Variants in CDH18 observed in about 807,000 individuals in gnomAD.
The protein encoded by CDH18 is cadherin-18.
In CDH18, 31 loss-of-function variants were observed where a neutral mutation model predicts 67.9. That is an observed-to-expected ratio of 0.46 (90% CI 0.34 to 0.62). The LOEUF is 0.62. CDH18 is among the 20% of genes least tolerant of loss of function. The pLI, the probability that CDH18 is intolerant of heterozygous loss-of-function variation, is 0.01. For missense variants in CDH18, 890 were observed against 975.5 expected (o/e 0.91, Z 1.17); for synonymous variants, 362 against 347.2 (o/e 1.04, Z -0.48).
intron 2 of CDH18, among the ~76,000 whole-genome samples, chr5:20,164,651 A>C (rs1736149593): frequency 6.6e-6 from 1 of 152,158 alleles, no homozygotes; most frequent in South Asian, 2.1e-4. Flanking sequence ...CCAGACAAAA[A>C]CAAACTAGTT....
chr5:20,504,743 A>T (rs1754550491), intron 1 of CDH18, among the ~76,000 whole-genome samples: 1 of 151,132 alleles, frequency 6.6e-6, no homozygotes, highest in Non-Finnish European at 1.5e-5. Flanking sequence ...AGGTAGAAAA[A>T]GTGAACACAA....
intron 5 of CDH18, among the ~76,000 whole-genome samples, chr5:19,694,026 T>C (rs573585343): frequency 6.6e-6 from 1 of 152,268 alleles, no homozygotes; most frequent in Admixed American, 6.5e-5. Flanking sequence ...TATCATCTAC[T>C]TACCTCTTTT....
At chr5:19,481,741 T>G (rs973643120) in intron 12 of CDH18, among the ~76,000 whole-genome samples, 1 of 152,202 alleles carries the variant, frequency 6.6e-6, no homozygotes, top group African/African-American at 2.4e-5. Context: ...TTATTTGTCT[T>G]CAACCCCAGG....
At chr5:20,358,916 T>C (rs530819961) in intron 1 of CDH18, among the ~76,000 whole-genome samples, 2 of 150,376 alleles carry the variant, frequency 1.3e-5, no homozygotes, top group African/African-American at 4.9e-5. Flanking sequence ...GAGTGATGCA[T>C]TGGCCTTTTT....
At chr5:19,572,358 G>C (rs1741580503) in intron 7 of CDH18, among the ~76,000 whole-genome samples, 1 of 152,156 alleles carries the variant, frequency 6.6e-6, no homozygotes, top group African/African-American at 2.4e-5. Flanking sequence ...AGAAACAGCA[G>C]AATAGAGAAT....
At chr5:19,664,475 C>T (rs901813667) in intron 5 of CDH18, among the ~76,000 whole-genome samples, 1 of 151,720 alleles carries the variant, frequency 6.6e-6, no homozygotes, top group Non-Finnish European at 1.5e-5. Context: ...AAAATTCAAT[C>T]TCAGTAAAAA....
At chr5:20,305,382 C>CA in intron 1 of CDH18, 1 of 1,550,406 alleles carries the variant, frequency 6.4e-7, no homozygotes, top group East Asian at 2.3e-5. Context: ...AGAATGTTCC[C>CA]ACCTCTTCAG....
In CDH18 at chr5:19,493,427, C is replaced by T. The variant is rs971080244; in HGVS notation, c.1630+9565G>A. Among the ~76,000 whole-genome samples the T allele has an allele frequency of 3.3e-5, 5 of 152,058 alleles. No individual in the cohort carries two copies. The East Asian group carries it at 5.8e-4, about 18-fold the overall frequency. On this transcript the variant is annotated intron_variant, in intron 11 of 12. Transcript: ENST00000382275. ...ACAGAATTTCTCTTAAGAAGAAAGG[C>T]GTTCTTTCCAAGGAACATAAGGAAG...
At chr5:20,233,205 G>A (rs192598421) in intron 2 of CDH18, among the ~76,000 whole-genome samples, 4 of 150,606 alleles carry the variant, frequency 2.7e-5, no homozygotes, top group Non-Finnish European at 4.4e-5. Flanking sequence ...TAGTATATAA[G>A]TATTCTCATA....
intron 10 of CDH18, among the ~76,000 whole-genome samples, chr5:19,515,269 T>C (rs1399404416): frequency 6.6e-6 from 1 of 152,212 alleles, no homozygotes; most frequent in Non-Finnish European, 1.5e-5. Context: ...TAGTTTGAAG[T>C]CAGGTAGCGT....
At chr5:19,625,874 C>A (rs1187658712) in intron 5 of CDH18, among the ~76,000 whole-genome samples, 2 of 152,124 alleles carry the variant, frequency 1.3e-5, no homozygotes, top group Admixed American at 1.3e-4. Context: ...AGGCAGAAAG[C>A]ACTCTAGCAA....
At chr5:20,320,000 A>G (rs1643896356) in intron 1 of CDH18, among the ~76,000 whole-genome samples, 1 of 152,136 alleles carries the variant, frequency 6.6e-6, no homozygotes, top group African/African-American at 2.4e-5. Flanking sequence ...CTCTGATTCC[A>G]AAGACTCATT....
chr5:19,699,281 C>T (rs1047138162), intron 5 of CDH18, among the ~76,000 whole-genome samples: 2 of 152,026 alleles, frequency 1.3e-5, no homozygotes, highest in Non-Finnish European at 2.9e-5. Flanking sequence ...CCCAAATAAC[C>T]TGCAATTGAT....
At chr5:19,868,530 T>C (rs954972292) in intron 2 of CDH18, among the ~76,000 whole-genome samples, 1 of 152,184 alleles carries the variant, frequency 6.6e-6, no homozygotes, top group Non-Finnish European at 1.5e-5. Context: ...GTATAGTGCA[T>C]TGATTTAAAA....
intron 1 of CDH18, among the ~76,000 whole-genome samples, chr5:20,336,465 G>A (rs958622338): frequency 6.6e-6 from 1 of 152,074 alleles, no homozygotes; most frequent in Non-Finnish European, 1.5e-5. Context: ...GTTCATGCCT[G>A]TAATCTCAGC....
intron 1 of CDH18, among the ~76,000 whole-genome samples, chr5:20,524,950 T>C (rs1031764096): frequency 6.6e-6 from 1 of 152,146 alleles, no homozygotes; most frequent in Non-Finnish European, 1.5e-5. Flanking sequence ...CCACAGAGTA[T>C]GTCCCTTCTG....
At chr5:19,475,687 G>A (rs1340106474) in intron 12 of CDH18, among the ~76,000 whole-genome samples, 1 of 151,874 alleles carries the variant, frequency 6.6e-6, no homozygotes, top group African/African-American at 2.4e-5. Flanking sequence ...ACATATTTAT[G>A]TTATATATAC....
chr5:20,004,850 A>G (rs1349892581), intron 2 of CDH18, among the ~76,000 whole-genome samples: 1 of 152,234 alleles, frequency 6.6e-6, no homozygotes, highest in Non-Finnish European at 1.5e-5. Flanking sequence ...CTATCTATCT[A>G]CAAGGAGTTC....
At chr5:19,482,891 C>A (rs1458857322) in intron 12 of CDH18, among the ~76,000 whole-genome samples, 5 of 152,080 alleles carry the variant, frequency 3.3e-5, no homozygotes, top group Non-Finnish European at 7.3e-5. Context: ...ATATGACCCT[C>A]ACCCTCATGC....
Sources: allele counts gnomAD v4.1 joint callset (sites outside exome capture counted in the v4.1 genomes callset), GRCh38; gene constraint gnomAD v4.1.1; transcripts MANE v1.5; gene names NCBI Gene and HGNC (gene_info 2026-07-23, HGNC 2026-07-21).